The following GAPVD1 variants were observed in gnomAD, a reference collection of about 807,000 sequenced individuals.
GAPVD1 encodes GTPase-activating protein and VPS9 domain-containing protein 1.
Under a neutral mutation model 155.5 loss-of-function variants are expected in GAPVD1, and 35 were observed. That is an observed-to-expected ratio of 0.23 (90% CI 0.17 to 0.30). The LOEUF (loss-of-function observed/expected upper bound fraction) is 0.30, where lower values mean the gene tolerates loss of function less well. GAPVD1 is among the 10% of genes least tolerant of loss of function. The pLI is 1.00. For missense variants in GAPVD1, 1,429 were observed against 1,775.7 expected (o/e 0.80, Z 3.51); for synonymous variants, 636 against 619.7 (o/e 1.03, Z -0.39).
Position 125,349,561 on chromosome 9 carries a change from T to C in GAPVD1, c.3299+42T>C, listed in dbSNP as rs1299302250. The C allele has an allele frequency of 3.8e-6, 6 of 1,572,474 alleles. No individual in the cohort carries two copies. In the East Asian group the frequency reaches 1.1e-4, roughly 30 times the overall value. Reference sequence around the variant, plus strand: ...ATTTGGGACTTTAGGGTTTGGACTTTTCAGCACCATTGCAGTCACGTCAAG... The same window carrying C: ...ATTTGGGACTTTAGGGTTTGGACTTCTCAGCACCATTGCAGTCACGTCAAG... On this transcript the variant is annotated intron_variant, in intron 21 of 27. Coordinates refer to ENST00000297933, the MANE Select transcript of GAPVD1 (RefSeq NM_001282680.3).
At chr9:125,266,318 T>C (rs888370670) in intron 1 of GAPVD1, among the ~76,000 whole-genome samples, 16 of 151,272 alleles carry the variant, frequency 1.1e-4, no homozygotes, top group Admixed American at 6.6e-4. Context: ...TATTTTATTT[T>C]ATTTTTTTTT....
In GAPVD1 at chr9:125,307,818, A is replaced by G; in HGVS notation, c.1379A>G (p.Tyr460Cys). 2.5e-6 allele frequency: 4 copies of G among 1,613,534 alleles called. No individual in the cohort carries two copies. Among genetic ancestry groups the G allele is most frequent in the Admixed American group, 1.7e-5 (1 of 60,006 alleles). Residue 460 changes from tyrosine (Y) to cysteine (C), a missense_variant, in exon 8 of 28, where the codon TAC becomes TGC. Physicochemically the swap from Tyr to Cys is radical, Grantham distance 194 (BLOSUM62 -2). This residue lies in a region of GAPVD1 where 628 missense variants were observed against 733.4 expected (regional missense o/e 0.86). Coordinates refer to ENST00000297933, the MANE Select transcript of GAPVD1 (RefSeq NM_001282680.3). Reference protein sequence around the residue: ...GKSSSLEMTPYNTPQLSPATT... With the variant: ...GKSSSLEMTPCNTPQLSPATT... ...AGTAGCAGTTTAGAAATGACTCCCTACAATACACCTCAGCTATCTCCAGCA... is the reference window on the plus strand; with the variant it reads ...AGTAGCAGTTTAGAAATGACTCCCTGCAATACACCTCAGCTATCTCCAGCA...
Position 125,364,617 on chromosome 9 carries a change from A to G in GAPVD1, c.*1871A>G, listed in dbSNP as rs1010654456. ...ACAATACCAAAATAACAAATTGCAT[A>G]GGAGTGTGGGATGTGGTTTCTGCCT... is the stretch of plus-strand genomic sequence containing the variant. On this transcript the variant is annotated 3_prime_UTR_variant, in exon 28 of 28. Coordinates refer to ENST00000297933, the MANE Select transcript of GAPVD1 (RefSeq NM_001282680.3). The G allele has an allele frequency of 2.0e-5, 3 of 152,250 alleles. No individual in the cohort carries two copies. The highest frequency in any genetic ancestry group is 7.2e-5 in the African/African-American group (3 of 41,466). The allele number at this position is 152,250 out of a possible 1,614,324, so 9.4% of individuals were successfully genotyped here.
chr9:125,349,399 G>A lies in GAPVD1; in HGVS notation c.3179G>A (p.Gly1060Asp), dbSNP rs374492808. ...MANYESTEVM[G>D]DGESAHDSPR... ...GGTGGGTTTTGTTTAGAGGTTATGG[G>A]TGATGGTGAAAGTGCACATGATTCT... The change falls in exon 21 of 28, where the codon GGT becomes GAT. Residue 1060 changes from glycine (G) to aspartate (D), a missense_variant. Gly to Asp is a moderately conservative substitution (Grantham distance 94, BLOSUM62 -1). This residue lies in a region of GAPVD1 where 699 missense variants were observed against 826.0 expected (regional missense o/e 0.85). Coordinates refer to ENST00000297933, the MANE Select transcript of GAPVD1 (RefSeq NM_001282680.3). 1.2e-6 allele frequency: 2 copies of A among 1,613,722 alleles called. No homozygotes were observed. Among genetic ancestry groups the A allele is most frequent in the African/African-American group, 2.7e-5 (2 of 74,850 alleles).
At chr9:125,311,839 C>T (rs983980821) in intron 8 of GAPVD1, among the ~76,000 whole-genome samples, 1 of 151,870 alleles carries the variant, frequency 6.6e-6, no homozygotes, top group Non-Finnish European at 1.5e-5. Flanking sequence ...CCTGTCTCAG[C>T]CCCCCGAGTA....
chr9:125,358,397 C>T (rs971446280), intron 25 of GAPVD1, among the ~76,000 whole-genome samples: 1 of 152,140 alleles, frequency 6.6e-6, no homozygotes, highest in Non-Finnish European at 1.5e-5. Flanking sequence ...TGAGCCACCC[C>T]GCCCGGCCTT....
rs1477914321 is a variant in GAPVD1 at position 125,302,540 on chromosome 9, A to C, written c.743A>C (p.Gln248Pro). The change falls in exon 5 of 28, where the codon CAA becomes CCA. Residue 248 changes from glutamine (Q) to proline (P), a missense_variant. By Grantham distance (76) the Gln-to-Pro change is moderately conservative (BLOSUM62 -1). Transcript: ENST00000297933. ...KGSDRFRQKV[Q>P]EMVESNEAKL... ...TCAGATAGATTCAGGCAAAAAGTTC[A>C]AGAAATGGTGGAGTCCAATGAAGCA... 6.2e-7 allele frequency: 1 copy of C among 1,614,026 alleles called. No individual in the cohort carries two copies. The highest frequency in any genetic ancestry group is 8.5e-7 in the Non-Finnish European group (1 of 1,179,906).
chr9:125,362,145 T>TA (rs953812866), intron 27 of GAPVD1, among the ~76,000 whole-genome samples: 3 of 152,206 alleles, frequency 2.0e-5, no homozygotes, highest in Non-Finnish European at 2.9e-5. Flanking sequence ...ATGAAAAAGG[T>TA]AAAAAAAATT....
chr9:125,293,941 TCTCA>T (rs991794512), intron 2 of GAPVD1, among the ~76,000 whole-genome samples: 2 of 139,748 alleles, frequency 1.4e-5, no homozygotes, highest in African/African-American at 2.7e-5. Flanking sequence ...TGAGATGGCG[TCTCA>T]CTCTGTTGCC....
chr9:125,316,411 T>C (rs530875281), intron 9 of GAPVD1, among the ~76,000 whole-genome samples: 45 of 152,266 alleles, frequency 3.0e-4, no homozygotes, highest in Admixed American at 5.2e-4. Flanking sequence ...CTCCCACTTA[T>C]GAGGGAGAAC....
At chr9:125,332,960 G>A (rs1410294781) in intron 15 of GAPVD1, among the ~76,000 whole-genome samples, 1 of 152,110 alleles carries the variant, frequency 6.6e-6, no homozygotes, top group Non-Finnish European at 1.5e-5. Flanking sequence ...ACTGCTTATT[G>A]GAATTTATGT....
At chr9:125,263,472 C>T in intron 1 of GAPVD1, 1 of 657,072 alleles carries the variant, frequency 1.5e-6, no homozygotes, top group Non-Finnish European at 2.7e-6. Flanking sequence ...AACAAAAAAA[C>T]TCCTGAAATA....
At chr9:125,343,221 C>T (rs1237120600) in intron 19 of GAPVD1, among the ~76,000 whole-genome samples, 1 of 149,974 alleles carries the variant, frequency 6.7e-6, no homozygotes, top group African/African-American at 2.5e-5. Context: ...AGCTCATCAG[C>T]TATCATTAGT....
intron 23 of GAPVD1, among the ~76,000 whole-genome samples, chr9:125,353,239 G>T (rs1849563226): frequency 6.6e-6 from 1 of 152,118 alleles, no homozygotes; most frequent in Non-Finnish European, 1.5e-5. Flanking sequence ...AATCTCTAGG[G>T]CAAGGGCAAA....
At position 125,264,461 on chromosome 9, in the gene GAPVD1, C is replaced by T. The variant is rs185310728; in HGVS notation, c.-199+2502C>T. On this transcript the variant is annotated intron_variant, in intron 1 of 27. Transcript: ENST00000297933. ...CTGCCTGCCTCGGACTCCCAAAGTG[C>T]TGGGATTACTGATGTGAGCCACCGC... Among the ~76,000 whole-genome samples the T allele has an allele frequency of 5.8e-4, 89 of 152,194 alleles. 1 individual carries two copies. The highest frequency in any genetic ancestry group is 2.0e-3 in the African/African-American group (85 of 41,532).
At chr9:125,353,751 A>G (rs1849635747) in intron 23 of GAPVD1, among the ~76,000 whole-genome samples, 1 of 152,162 alleles carries the variant, frequency 6.6e-6, no homozygotes. Context: ...ATCTCTTGAG[A>G]CTTAGTATCA....
At chr9:125,290,740 G>A (rs965197524) in intron 2 of GAPVD1, among the ~76,000 whole-genome samples, 2 of 152,114 alleles carry the variant, frequency 1.3e-5, no homozygotes, top group African/African-American at 4.8e-5. Context: ...AGACATGGTG[G>A]CTCACACTTG....
Position 125,299,087 on chromosome 9 carries a change from G to C in GAPVD1, c.166G>C (p.Asp56His). 6.3e-7 allele frequency: 1 copy of C among 1,598,826 alleles called. No homozygotes were observed. The highest frequency in any genetic ancestry group is 8.5e-7 in the Non-Finnish European group (1 of 1,173,152). Residue 56 changes from aspartate (D) to histidine (H), a missense_variant, in exon 4 of 28, where the codon GAT (aspartate) becomes CAT (histidine). This residue lies in a region of GAPVD1 where 628 missense variants were observed against 733.4 expected (regional missense o/e 0.86). Transcript: ENST00000297933. ...WIAKQQRINL[D>H]RLIITSAEAS... ...TGCGAAGCAACAGAGAATCAATTTGGATCGGCTTATCATAACCAGGTAAAG... is the reference window on the plus strand; with the variant it reads ...TGCGAAGCAACAGAGAATCAATTTGCATCGGCTTATCATAACCAGGTAAAG...
Position 125,302,439 on chromosome 9 carries a change from C to T in GAPVD1, c.642C>T (p.His214=), listed in dbSNP as rs1193453526. 1 of 1,613,598 alleles carries T rather than the reference C, an allele frequency of 6.2e-7. No homozygotes were observed. Among genetic ancestry groups the T allele is most frequent in the South Asian group, 1.1e-5 (1 of 91,076 alleles). Residue 214 remains histidine (H), a synonymous_variant, in exon 5 of 28, where the codon CAC becomes CAT. Transcript: ENST00000297933. ...AACTGCTTGTTGAAGATGAAGATCA[C>T]CTGGAAACAGATCCAAACAAGCTAA... The part of the protein sequence containing the change: ...IMQLLVEDED[H]LETDPNKLIE...
Sources: allele counts gnomAD v4.1 joint callset (sites outside exome capture counted in the v4.1 genomes callset), GRCh38; gene constraint gnomAD v4.1.1; regional missense constraint gnomAD v4.1.1; transcripts MANE v1.5; gene names NCBI Gene and HGNC (gene_info 2026-07-23, HGNC 2026-07-21).